Variants in SLC12A6 observed in about 807,000 individuals in gnomAD.
SLC12A6 encodes the protein K-Cl cotransporter 3.
In SLC12A6, 66 loss-of-function variants were observed where a neutral mutation model predicts 135.3. The observed-to-expected ratio is 0.49, with a 90% CI of 0.40 to 0.60. SLC12A6 has a LOEUF of 0.60. Ranked by LOEUF, SLC12A6 falls within the 20% of genes least tolerant of loss-of-function variation. The pLI, the probability that SLC12A6 is intolerant of heterozygous loss-of-function variation, is 0.00. For synonymous variants in SLC12A6, 513 were observed against 508.8 expected (o/e 1.01, Z -0.11); for missense variants, 1,058 against 1,452.3 (o/e 0.73, Z 4.41).
chr15:34,299,859 A>G (rs1477697831), intron 2 of SLC12A6, among the ~76,000 whole-genome samples: 14 of 152,172 alleles, frequency 9.2e-5, no homozygotes, highest in Admixed American at 9.2e-4. Context: ...AGGGGGTTTT[A>G]AATGAGGGAG....
At chr15:34,294,423 A>AG (rs1275427427) in intron 2 of SLC12A6, among the ~76,000 whole-genome samples, 1 of 152,110 alleles carries the variant, frequency 6.6e-6, no homozygotes, top group East Asian at 1.9e-4. Context: ...TGCCAGGCTA[A>AG]TTTTTGTATT....
chr15:34,295,324 C>T (rs1458329503), intron 2 of SLC12A6, among the ~76,000 whole-genome samples: 1 of 152,194 alleles, frequency 6.6e-6, no homozygotes, highest in African/African-American at 2.4e-5. Flanking sequence ...AGCTCTACCA[C>T]ATGTTATTAG....
At chr15:34,308,823 T>C (rs952018332) in intron 2 of SLC12A6, among the ~76,000 whole-genome samples, 17 of 152,014 alleles carry the variant, frequency 1.1e-4, no homozygotes, top group African/African-American at 3.4e-4. Flanking sequence ...ATGAAGATAA[T>C]AGAGCTTAAG....
chr15:34,330,957 A>G (rs347835), intron 2 of SLC12A6, among the ~76,000 whole-genome samples: 70,631 of 151,788 alleles, frequency 0.47, 19,177 homozygotes, highest in African/African-American at 0.77. Flanking sequence ...CAGAAGAATC[A>G]CTTGAACCCA....
chr15:34,308,333 T>C (rs1887880745), intron 2 of SLC12A6, among the ~76,000 whole-genome samples: 1 of 152,176 alleles, frequency 6.6e-6, no homozygotes, highest in South Asian at 2.1e-4. Context: ...CTAAAGACTG[T>C]TGGATTAAGG....
intron 2 of SLC12A6, among the ~76,000 whole-genome samples, chr15:34,334,678 G>A (rs867871936): frequency 1.1e-4 from 17 of 152,270 alleles, no homozygotes; most frequent in Middle Eastern, 3.4e-3. Context: ...TCTGGGTACC[G>A]GAGAATATTT....
intron 2 of SLC12A6, among the ~76,000 whole-genome samples, chr15:34,314,235 C>G (rs6495657): frequency 6.6e-6 from 1 of 151,824 alleles, no homozygotes; most frequent in African/African-American, 2.4e-5. Flanking sequence ...TTAGTAGAGA[C>G]GGGGTTTCGT....
At chr15:34,278,222 T>A (rs1894427564) in intron 2 of SLC12A6, among the ~76,000 whole-genome samples, 1 of 151,814 alleles carries the variant, frequency 6.6e-6, no homozygotes. Context: ...AGGTCAGGAG[T>A]TCGAGACCAG....
At chr15:34,265,006 C>T (rs913872982) in intron 3 of SLC12A6, among the ~76,000 whole-genome samples, 1 of 152,106 alleles carries the variant, frequency 6.6e-6, no homozygotes, top group Non-Finnish European at 1.5e-5. Flanking sequence ...ACCATCCTGG[C>T]TAACACGGTG....
intron 2 of SLC12A6, among the ~76,000 whole-genome samples, chr15:34,289,199 T>C (rs911899052): frequency 6.6e-6 from 1 of 152,196 alleles, no homozygotes; most frequent in East Asian, 1.9e-4. Flanking sequence ...CATGAAAGGC[T>C]GTTGAATTTT....
intron 13 of SLC12A6, among the ~76,000 whole-genome samples, chr15:34,246,696 G>C (rs968570510): frequency 3.3e-5 from 5 of 151,976 alleles, no homozygotes; most frequent in African/African-American, 1.2e-4. Flanking sequence ...GCCAAGGCTG[G>C]AGTACAGTGA....
intron 2 of SLC12A6, among the ~76,000 whole-genome samples, chr15:34,332,442 T>C (rs1595589442): frequency 6.6e-6 from 1 of 152,236 alleles, no homozygotes; most frequent in African/African-American, 2.4e-5. Flanking sequence ...GCCTCATACA[T>C]ACCAGCGTCT....
intron 3 of SLC12A6, among the ~76,000 whole-genome samples, chr15:34,269,334 C>T (rs989401142): frequency 1.3e-5 from 2 of 151,606 alleles, no homozygotes; most frequent in Admixed American, 6.6e-5. Context: ...AAAGGTATAC[C>T]AAAGGTCTTA....
At chr15:34,271,752 G>A (rs541999436) in intron 3 of SLC12A6, among the ~76,000 whole-genome samples, 2 of 152,108 alleles carry the variant, frequency 1.3e-5, no homozygotes, top group South Asian at 4.2e-4. Flanking sequence ...GGGAACAGTA[G>A]ATACATTAAA....
chr15:34,336,261 G>A (rs1369162170), intron 2 of SLC12A6, 149 bp downstream of exon 2: 1 of 726,186 alleles, frequency 1.4e-6, no homozygotes, highest in Non-Finnish European at 2.5e-6. Flanking sequence ...ATTCCAAAGA[G>A]TTCCTAAGCA....
At chr15:34,274,381 T>A (rs1894156675) in intron 3 of SLC12A6, among the ~76,000 whole-genome samples, 1 of 152,200 alleles carries the variant, frequency 6.6e-6, no homozygotes, top group African/African-American at 2.4e-5. Context: ...CAGCAAGTAC[T>A]TTTAAGAGGT....
At chr15:34,294,337 A>G (rs1895737591) in intron 2 of SLC12A6, among the ~76,000 whole-genome samples, 1 of 152,148 alleles carries the variant, frequency 6.6e-6, no homozygotes, top group Non-Finnish European at 1.5e-5. Context: ...GGTTCAAGCA[A>G]TTCTCCTGCC....
chr15:34,252,828 T>C (rs1313202324), intron 9 of SLC12A6, among the ~76,000 whole-genome samples: 4 of 152,230 alleles, frequency 2.6e-5, no homozygotes, highest in Non-Finnish European at 4.4e-5. Context: ...GTTGTTCTTA[T>C]AAAGTAAAAA....
chr15:34,288,463 C>T (rs910921468), intron 2 of SLC12A6, among the ~76,000 whole-genome samples: 1 of 152,146 alleles, frequency 6.6e-6, no homozygotes, highest in Non-Finnish European at 1.5e-5. Flanking sequence ...CTTGGCAATG[C>T]GGGCTCTTTT....
Sources: gnomAD v4.1 joint callset for allele counts (sites outside exome capture counted in the v4.1 genomes callset) on GRCh38, gnomAD v4.1.1 for gene constraint, MANE v1.5 for transcripts, NCBI Gene and HGNC (gene_info 2026-07-23, HGNC 2026-07-21) for gene names.